SNED1: variants seen among roughly 807,000 people sequenced by gnomAD.
SNED1 encodes the protein sushi, nidogen and EGF-like domain-containing protein 1.
In SNED1, 81 loss-of-function variants were observed where a neutral mutation model predicts 166.7. The ratio of observed to expected loss-of-function variants is 0.49; its 90% CI spans 0.41 to 0.58. The LOEUF (loss-of-function observed/expected upper bound fraction) is 0.58, where lower values mean the gene tolerates loss of function less well. SNED1 is among the 20% of genes least tolerant of loss of function. SNED1 has a pLI of 0.00. For missense variants in SNED1, 1,604 were observed against 2,000.2 expected, an observed-to-expected ratio of 0.80 and a Z score of 3.78; for synonymous variants, 762 against 822.0, an observed-to-expected ratio of 0.93 and a Z score of 1.25.
rs2062355669 is a variant in SNED1 at position 241,064,365 on chromosome 2, C to A, written c.2599+240C>A. ...CTGCGCTCACCCCCCAGACACCCCT[C>A]TTCACCCGAGGACACACCCAGGGGT... On this transcript the variant is annotated intron_variant, in intron 19 of 31. Coordinates refer to ENST00000310397, the MANE Select transcript of SNED1 (RefSeq NM_001080437.3). This position sits in a 1 kb window ranked among gnomAD's most constrained non-coding sequence, Gnocchi z 7.0. Among the ~76,000 whole-genome samples, 3 of 152,192 alleles carry A rather than the reference C, an allele frequency of 2.0e-5. No individual in the cohort carries two copies. The South Asian group carries it at 6.2e-4, about 31-fold the overall frequency.
intron 12 of SNED1, 111 bp downstream of exon 12, chr2:241,050,044 G>T (rs748711551): frequency 2.5e-6 from 2 of 793,272 alleles, no homozygotes; most frequent in African/African-American, 3.4e-5. Flanking sequence ...TGCTGACCTC[G>T]TCTAGAGCCT....
Position 241,065,414 on chromosome 2 carries a change from C to T in SNED1, c.2829C>T (p.Val943=). The change falls in exon 21 of 32, where the codon GTC becomes GTT. Residue 943 remains valine, a synonymous_variant. Coordinates refer to ENST00000310397, the MANE Select transcript of SNED1 (RefSeq NM_001080437.3). ...GGCAGATGCTTGATGGCTACGCGGT[C>T]ACCTACGTCTCCTCCGACGGCTCCT... ...AARQMLDGYA[V]TYVSSDGSYR... is the part of the protein sequence containing the mutation. The T allele has an allele frequency of 6.2e-7, 1 of 1,613,154 alleles. No homozygotes were observed. Among genetic ancestry groups the T allele is most frequent in the African/African-American group, 1.3e-5 (1 of 75,076 alleles).
At chr2:241,071,936 T>A in intron 26 of SNED1, 58 bp downstream of exon 26, 1 of 1,347,604 alleles carries the variant, frequency 7.4e-7, no homozygotes, top group Non-Finnish European at 1.0e-6. Flanking sequence ...TCACTGCCAC[T>A]CTCACCAGGT....
At chr2:241,000,611 T>C (rs1173716337) in intron 1 of SNED1, among the ~76,000 whole-genome samples, 1 of 152,140 alleles carries the variant, frequency 6.6e-6, no homozygotes, top group Non-Finnish European at 1.5e-5. Flanking sequence ...GGTGAAAATA[T>C]TATTAAAATG....
intron 27 of SNED1, among the ~76,000 whole-genome samples, chr2:241,077,451 C>T (rs147082434): frequency 6.6e-6 from 1 of 152,234 alleles, no homozygotes; most frequent in East Asian, 1.9e-4. Flanking sequence ...ACTTCTGTGC[C>T]TCAAAGGATG....
chr2:241,063,557 C>A, intron 17 of SNED1, 30 bp from the exon 18 acceptor site: 3 of 1,490,520 alleles, frequency 2.0e-6, no homozygotes, highest in South Asian at 1.2e-5. Context: ...CTTGAGCCAG[C>A]AACACCCTTG....
chr2:241,011,543 CAG>C (rs1423114624), intron 1 of SNED1, among the ~76,000 whole-genome samples: 1 of 152,244 alleles, frequency 6.6e-6, no homozygotes. Flanking sequence ...TAGCCATGAA[CAG>C]GGGCGTCGGC....
In SNED1 at chr2:241,049,803, TC is replaced by T. The variant is rs751478365; in HGVS notation, c.1619-9del. On this transcript the variant is annotated splice_polypyrimidine_tract_variant and intron_variant, in intron 11 of 31. Coordinates refer to ENST00000310397, the MANE Select transcript of SNED1 (RefSeq NM_001080437.3). ...GCGTAAGCTCCAGGACCACCCTCTG[TC>T]CCCCGCCCCCAGCCCTGCCATCACC... The T allele has an allele frequency of 7.5e-6, 12 of 1,603,994 alleles. No individual in the cohort carries two copies. Among genetic ancestry groups the T allele is most frequent in the South Asian group, 1.1e-5 (1 of 90,848 alleles).
rs907614569 is a variant in SNED1 at position 241,075,455 on chromosome 2, C to CT, written c.3916+2092dup. On this transcript the variant is annotated intron_variant, in intron 27 of 31. Transcript: ENST00000310397. The surrounding 1 kb of genome is among the most constrained non-coding windows in gnomAD (Gnocchi z 4.8). ...CCCCTGGGATCTGGGTTTGCATCTC[C>CT]TGGGCACTGATGTGACTGCGCCTCT... 7.2e-5 allele frequency: 11 copies of CT among 152,208 alleles called. No homozygotes were observed. Among genetic ancestry groups the CT allele is most frequent in the African/African-American group, 2.7e-4 (11 of 41,448 alleles). 9.4% of individuals were successfully genotyped at this position (152,208 alleles called of 1,614,324 possible).
intron 6 of SNED1, among the ~76,000 whole-genome samples, chr2:241,038,676 G>A (rs1040092670): frequency 5.3e-5 from 8 of 152,262 alleles, no homozygotes; most frequent in Non-Finnish European, 7.3e-5. Context: ...TGCTCTCAAC[G>A]TGAGACGGGT....
intron 31 of SNED1, chr2:241,090,561 C>T (rs891135929): frequency 7.9e-7 from 1 of 1,259,776 alleles, no homozygotes; most frequent in Non-Finnish European, 1.1e-6. Flanking sequence ...ATACACAGGG[C>T]AGTGCAGTAG....
intron 1 of SNED1, among the ~76,000 whole-genome samples, chr2:241,008,743 C>T (rs1026995369): frequency 9.2e-5 from 14 of 152,348 alleles, no homozygotes; most frequent in Admixed American, 2.6e-4. Flanking sequence ...CCGTGGTGCC[C>T]GGGGCTCAGC....
chr2:241,065,743 C>G, intron 21 of SNED1, 148 bp downstream of exon 21: 1 of 714,412 alleles, frequency 1.4e-6, no homozygotes, highest in Non-Finnish European at 2.3e-6. Context: ...GGGTTGGAGG[C>G]ACCGCCCTGC....
chr2:241,085,760 T>TAGTTTGA (rs2063539015), intron 29 of SNED1, among the ~76,000 whole-genome samples: 1 of 152,124 alleles, frequency 6.6e-6, no homozygotes, highest in South Asian at 2.1e-4. Flanking sequence ...TATCTGAGTA[T>TAGTTTGA]AGTTTGATCC....
Position 241,069,024 on chromosome 2 carries a change from G to A in SNED1, c.3307+1G>A, listed in dbSNP as rs1233578626. Reference sequence around the variant, plus strand: ...ACCGCGCCGACGCACGTGTGGACCCGTGAGTAGAGCAGCGCGGCCCCCGGC... The same window carrying A: ...ACCGCGCCGACGCACGTGTGGACCCATGAGTAGAGCAGCGCGGCCCCCGGC... On this transcript the variant is annotated splice_donor_variant, in intron 23 of 31. Coordinates refer to ENST00000310397, the MANE Select transcript of SNED1 (RefSeq NM_001080437.3). LOFTEE classifies it high-confidence loss of function. This position sits in a 1 kb window ranked among gnomAD's most constrained non-coding sequence, Gnocchi z 4.9. 5.8e-6 allele frequency: 9 copies of A among 1,547,184 alleles called. No individual in the cohort carries two copies. Among genetic ancestry groups the A allele is most frequent in the Non-Finnish European group, 6.1e-6 (7 of 1,144,418 alleles).
In SNED1 at chr2:241,065,389, G is replaced by C; in HGVS notation, c.2804G>C (p.Arg935Thr). The C allele has an allele frequency of 6.2e-7, 1 of 1,613,254 alleles. No homozygotes were observed. Residue 935 changes from arginine to threonine, a missense_variant, in exon 21 of 32, where the codon AGG becomes ACG. Coordinates refer to ENST00000310397, the MANE Select transcript of SNED1 (RefSeq NM_001080437.3). ...SWNPPNGPAA[R>T]QMLDGYAVTY... ...AACCCGCCCAATGGTCCAGCCGCCA[G>C]GCAGATGCTTGATGGCTACGCGGTC...
chr2:241,005,924 G>A (rs80028554), intron 1 of SNED1, among the ~76,000 whole-genome samples: 5,508 of 151,824 alleles, frequency 0.036, 130 homozygotes, highest in Middle Eastern at 0.065. Context: ...CATGATTTGT[G>A]AGCGTATAGT....
In SNED1 at chr2:241,069,904, C is replaced by A; in HGVS notation, c.3308-16C>A. 6.2e-7 allele frequency: 1 copy of A among 1,609,590 alleles called. No homozygotes were observed. Among genetic ancestry groups the A allele is most frequent in the Non-Finnish European group, 8.5e-7 (1 of 1,177,924 alleles). ...GTGGGCACCCCCTCACCTCTCCCTG[C>A]TCCTGCCTCATCCAGGGCCCCTGCC... On this transcript the variant is annotated splice_polypyrimidine_tract_variant and intron_variant, in intron 23 of 31. Coordinates refer to ENST00000310397, the MANE Select transcript of SNED1 (RefSeq NM_001080437.3). The surrounding 1 kb of genome is among the most constrained non-coding windows in gnomAD (Gnocchi z 4.9).
Position 241,053,285 on chromosome 2 carries a change from G to A in SNED1, c.2216G>A (p.Cys739Tyr), listed in dbSNP as rs1345894927. 1 of 1,600,560 alleles carries A rather than the reference G, an allele frequency of 6.2e-7. No homozygotes were observed. The highest frequency in any genetic ancestry group is 1.7e-5 in the Admixed American group (1 of 59,584). The change falls in exon 16 of 32, where the codon TGC becomes TAC. Residue 739 changes from cysteine to tyrosine, a missense_variant. Cys to Tyr is a radical substitution (Grantham distance 194, BLOSUM62 -2). Around this residue, in one of 2 missense-constraint regions of SNED1, gnomAD observed 1,237 missense variants for 1,620.8 expected, o/e 0.76. Transcript: ENST00000310397. ...AGCGCCCCCAGCCGCATCCGGGTCT[G>A]CCAGCCACACGGTGTCTGGAGTGAG... Reference protein sequence around the residue: ...SLSAPSRIRVCQPHGVWSEPP... With the variant: ...SLSAPSRIRVYQPHGVWSEPP...
Sources: allele counts gnomAD v4.1 joint callset (sites outside exome capture counted in the v4.1 genomes callset), GRCh38; gene constraint gnomAD v4.1.1; regional missense constraint gnomAD v4.1.1; non-coding constraint Gnocchi (gnomAD v3.1); transcripts MANE v1.5; gene names NCBI Gene and HGNC (gene_info 2026-07-23, HGNC 2026-07-21).